SORL1: variants seen among roughly 807,000 people sequenced by gnomAD.
SORL1 encodes sortilin-related receptor.
A neutral mutation model predicts 273.7 loss-of-function variants in SORL1; 127 were observed. The observed-to-expected ratio is 0.46, with a 90% CI of 0.40 to 0.54. The LOEUF is 0.54. Among genes scored for constraint, SORL1 ranks in the 20% least tolerant of loss-of-function variants. The pLI, the probability that SORL1 is intolerant of heterozygous loss-of-function variation, is 0.00. For synonymous variants in SORL1, 1,031 were observed against 1,067.4 expected (o/e 0.97, Z 0.66); for missense variants, 2,494 against 2,846.1 (o/e 0.88, Z 2.81).
At chr11:121,507,498 C>T (rs1164191535) in intron 6 of SORL1, among the ~76,000 whole-genome samples, 2 of 152,068 alleles carry the variant, frequency 1.3e-5, no homozygotes, top group African/African-American at 2.4e-5. Flanking sequence ...TCACAATTGA[C>T]ATGTCTTAAA....
chr11:121,488,024 C>T lies in SORL1; in HGVS notation c.529-8C>T, dbSNP rs114887171. 152 of 1,613,894 alleles carry T rather than the reference C, an allele frequency of 9.4e-5. No homozygotes were observed. The African/African-American group carries it at 1.8e-3, about 19-fold the overall frequency. On this transcript the variant is annotated splice_polypyrimidine_tract_variant and splice_region_variant and intron_variant, in intron 3 of 47. Transcript: ENST00000260197. Reference sequence around the variant, plus strand: ...GCCTGCTCTCAACTTACCTGTTTTCCCTTGCAGTACATCTTTGCAGACGCT... The same window carrying T: ...GCCTGCTCTCAACTTACCTGTTTTCTCTTGCAGTACATCTTTGCAGACGCT...
In SORL1 at chr11:121,627,712, C is replaced by T. The variant is rs750734730; in HGVS notation, c.6522C>T (p.Asn2174=). The T allele has an allele frequency of 2.5e-6, 4 of 1,614,186 alleles. No individual in the cohort carries two copies. The highest frequency in any genetic ancestry group is 3.4e-6 in the Non-Finnish European group (4 of 1,180,034). Residue 2174 remains asparagine, a synonymous_variant, in exon 47 of 48, where the codon AAC becomes AAT. Transcript: ENST00000260197. The surrounding 1 kb of genome is among the most constrained non-coding windows in gnomAD (Gnocchi z 4.9). ...AGAGCAGCTTCACCGCCTTCGCCAACAGCCACTACAGCTCCAGGCTGGGGT... is the reference window on the plus strand; with the variant it reads ...AGAGCAGCTTCACCGCCTTCGCCAATAGCCACTACAGCTCCAGGCTGGGGT... ...RLQSSFTAFA[N]SHYSSRLGSA... is the part of the protein sequence containing the mutation.
chr11:121,472,818 G>A (rs998639588), intron 2 of SORL1, among the ~76,000 whole-genome samples: 3 of 152,144 alleles, frequency 2.0e-5, no homozygotes, highest in African/African-American at 4.8e-5. Context: ...AAATTAGCTG[G>A]GTGTGGTGGT....
At chr11:121,568,673 G>A (rs754547385) in intron 22 of SORL1, among the ~76,000 whole-genome samples, 3 of 152,114 alleles carry the variant, frequency 2.0e-5, no homozygotes, top group Non-Finnish European at 4.4e-5. Context: ...TATTGAATCT[G>A]TATGTTTTAA....
intron 14 of SORL1, among the ~76,000 whole-genome samples, chr11:121,549,377 C>T (rs144491008): frequency 3.1e-4 from 47 of 151,990 alleles, no homozygotes; most frequent in African/African-American, 9.2e-4. Context: ...TGTGCAGCAC[C>T]ATACCTGGCT....
intron 12 of SORL1, among the ~76,000 whole-genome samples, chr11:121,536,344 G>A (rs1477617803): frequency 6.6e-6 from 1 of 151,956 alleles, no homozygotes; most frequent in East Asian, 1.9e-4. Context: ...TACAGTTGTC[G>A]GGAGAGCCAC....
rs182989508 is a variant in SORL1 at position 121,529,838 on chromosome 11, A to G, written c.1597-2626A>G. Among the ~76,000 whole-genome samples, 212 of 152,244 alleles carry G rather than the reference A, an allele frequency of 1.4e-3. 1 individual carries two copies. Among genetic ancestry groups the G allele is most frequent in the African/African-American group, 4.8e-3 (198 of 41,544 alleles). On this transcript the variant is annotated intron_variant, in intron 11 of 47. Transcript: ENST00000260197. ...ATTGATGTATTTGAATTTAGGCCTA[A>G]TATTTCATTTATTTTCTTTTCATTT...
chr11:121,605,873 G>A (rs894748834), intron 35 of SORL1, among the ~76,000 whole-genome samples: 9 of 152,102 alleles, frequency 5.9e-5, no homozygotes, highest in Admixed American at 1.3e-4. Flanking sequence ...TGGTACTTAG[G>A]AGGAGGTCAT....
chr11:121,614,638 G>A (rs965831264), intron 40 of SORL1: 32 of 438,032 alleles, frequency 7.3e-5, no homozygotes, highest in East Asian at 3.3e-4. Flanking sequence ...ACTCCTATCC[G>A]CGGATGGGCA....
chr11:121,621,377 G>A, intron 44 of SORL1, 139 bp downstream of exon 44: 1 of 714,934 alleles, frequency 1.4e-6, no homozygotes, highest in Non-Finnish European at 2.3e-6. Context: ...TCCTACAGGG[G>A]CAGAGTAGTG....
At chr11:121,618,613 A>G (rs1412931975) in intron 41 of SORL1, among the ~76,000 whole-genome samples, 161 bp from the exon 42 acceptor site, 1 of 152,212 alleles carries the variant, frequency 6.6e-6, no homozygotes, top group Non-Finnish European at 1.5e-5. Flanking sequence ...TGCCTGGCCC[A>G]AGTGCCTTCT....
chr11:121,625,652 G>T (rs143902648), intron 46 of SORL1, among the ~76,000 whole-genome samples: 10 of 152,148 alleles, frequency 6.6e-5, no homozygotes, highest in Non-Finnish European at 4.4e-5. Flanking sequence ...TCCTTGTCAT[G>T]GATTTTACAT....
intron 24 of SORL1, among the ~76,000 whole-genome samples, chr11:121,575,889 C>T (rs935709373): frequency 6.6e-6 from 1 of 152,190 alleles, no homozygotes; most frequent in Non-Finnish European, 1.5e-5. Flanking sequence ...TTTCAGCCCC[C>T]TGATCCTCTG....
intron 25 of SORL1, among the ~76,000 whole-genome samples, chr11:121,582,496 C>T (rs957080783): frequency 1.3e-5 from 2 of 152,226 alleles, no homozygotes; most frequent in African/African-American, 4.8e-5. Context: ...CTTTCTGTTT[C>T]AGAGGAGGAA....
intron 5 of SORL1, among the ~76,000 whole-genome samples, chr11:121,496,373 A>T (rs1861629413): frequency 6.6e-6 from 1 of 152,214 alleles, no homozygotes; most frequent in Admixed American, 6.5e-5. Context: ...GCCTAGATCC[A>T]TGACATTGGT....
intron 16 of SORL1, among the ~76,000 whole-genome samples, chr11:121,551,658 A>G (rs777806704): frequency 5.7e-4 from 87 of 152,290 alleles, no homozygotes; most frequent in Non-Finnish European, 1.1e-3. Context: ...GGACAGCCAT[A>G]AGCACCGAAT....
At chr11:121,519,762 A>G (rs1032575212) in intron 8 of SORL1, among the ~76,000 whole-genome samples, 7 of 152,162 alleles carry the variant, frequency 4.6e-5, no homozygotes, top group Non-Finnish European at 8.8e-5. Flanking sequence ...AATGTCTTGC[A>G]AGTCTGACTT....
At chr11:121,496,683 G>A (rs1861633796) in intron 5 of SORL1, among the ~76,000 whole-genome samples, 186 bp from the exon 6 acceptor site, 1 of 152,146 alleles carries the variant, frequency 6.6e-6, no homozygotes, top group African/African-American at 2.4e-5. Flanking sequence ...CTTGCAAATG[G>A]CAATTTGTCC....
At chr11:121,610,762 T>C (rs1409777166) in intron 38 of SORL1, 1 of 253,200 alleles carries the variant, frequency 3.9e-6, no homozygotes, top group African/African-American at 2.2e-5. Context: ...CAGTGAATGA[T>C]CCCTGTTCCT....
Sources: gnomAD v4.1 joint callset for allele counts (sites outside exome capture counted in the v4.1 genomes callset) on GRCh38, gnomAD v4.1.1 for gene constraint, Gnocchi (gnomAD v3.1) non-coding constraint, MANE v1.5 for transcripts, NCBI Gene and HGNC (gene_info 2026-07-23, HGNC 2026-07-21) for gene names.